The following PCDH15 variants were observed in gnomAD, a reference collection of about 807,000 sequenced individuals.
PCDH15 encodes protocadherin-15.
Under a neutral mutation model 178.5 loss-of-function variants are expected in PCDH15, and 129 were observed. The ratio of observed to expected loss-of-function variants is 0.72; its 90% CI spans 0.63 to 0.84. PCDH15 has a LOEUF of 0.84. PCDH15 is among the 40% of genes least tolerant of loss of function. The pLI, the probability that PCDH15 is intolerant of heterozygous loss-of-function variation, is 0.00. For missense variants in PCDH15, 2,230 were observed against 2,099.9 expected, an observed-to-expected ratio of 1.06 and a Z score of -1.21; for synonymous variants, 800 against 732.0, an observed-to-expected ratio of 1.09 and a Z score of -1.50.
intron 8 of PCDH15, among the ~76,000 whole-genome samples, chr10:54,288,535 A>T (rs1300275044): frequency 6.6e-6 from 1 of 152,090 alleles, no homozygotes. Flanking sequence ...CAGCCCACGG[A>T]GGGCGAGCCA....
intron 8 of PCDH15, among the ~76,000 whole-genome samples, chr10:54,306,120 T>C (rs552911434): frequency 9.4e-5 from 14 of 149,674 alleles, no homozygotes; most frequent in African/African-American, 3.2e-4. Context: ...TAGACACCCA[T>C]AGTAAGACTC....
chr10:53,844,901 A>G (rs2077875587), intron 28 of PCDH15, among the ~76,000 whole-genome samples: 1 of 151,948 alleles, frequency 6.6e-6, no homozygotes, highest in Non-Finnish European at 1.5e-5. Context: ...TTAGGCAGAA[A>G]AGCTTTTACA....
chr10:54,093,179 T>G (rs1411866859), intron 15 of PCDH15, among the ~76,000 whole-genome samples: 3 of 152,174 alleles, frequency 2.0e-5, no homozygotes, highest in African/African-American at 7.2e-5. Context: ...CCTCAGTCTT[T>G]TAAGGATTGT....
intron 2 of PCDH15, among the ~76,000 whole-genome samples, chr10:55,432,482 A>G (rs990954289): frequency 1.3e-5 from 2 of 152,166 alleles, no homozygotes; most frequent in African/African-American, 4.8e-5. Context: ...GGCAAGGATG[A>G]AAAGTTGGAG....
rs373763238 is a variant in PCDH15 at position 54,344,151 on chromosome 10, G to A, written c.594+2214C>T. On this transcript the variant is annotated intron_variant, in intron 6 of 37. Transcript: ENST00000644397. ...ATTCTCTCCCTAAGATTGTACCTTG[G>A]TTAATCCTTTTTTCCTTCAATACAT... 8.5e-5 allele frequency among the ~76,000 whole-genome samples: 13 copies of A among 152,180 alleles called. No homozygotes were observed. The East Asian group carries it at 1.7e-3, about 20-fold the overall frequency.
At chr10:55,133,882 C>G (rs925532514) in intron 2 of PCDH15, among the ~76,000 whole-genome samples, 22 of 152,124 alleles carry the variant, frequency 1.4e-4, no homozygotes, top group Admixed American at 1.0e-3. Context: ...CCGAGCACCT[C>G]CAGTGCTGAC....
chr10:54,491,153 A>G (rs1479691669), intron 3 of PCDH15, among the ~76,000 whole-genome samples: 1 of 152,148 alleles, frequency 6.6e-6, no homozygotes, highest in Non-Finnish European at 1.5e-5. Context: ...CAGTTAAGGG[A>G]TCAATTCAAA....
chr10:54,046,944 G>T (rs2135570917), intron 18 of PCDH15, among the ~76,000 whole-genome samples: 1 of 152,180 alleles, frequency 6.6e-6, no homozygotes, highest in African/African-American at 2.4e-5. Context: ...AGTAATTGTA[G>T]TGAGTTATAA....
rs71014416 is a variant in PCDH15 at position 54,761,683 on chromosome 10, A to AAAAACAAAAC, written c.-29+39232_-29+39241dup. The stretch of plus-strand genomic sequence containing the variant: ...GGGCAACATAGCGAGACTCTGTCTC[A>AAAAACAAAAC]AAAACAAAACAAAACAAAACAAAAC... On this transcript the variant is annotated intron_variant, in intron 1 of 37. Transcript: ENST00000644397. Among the ~76,000 whole-genome samples the AAAAACAAAAC allele has an allele frequency of 7.9e-4, 118 of 150,058 alleles. 2 individuals carry two copies. Among genetic ancestry groups the AAAAACAAAAC allele is most frequent in the East Asian group, 4.8e-3 (24 of 5,008 alleles).
At chr10:54,536,383 T>G (rs74482764) in intron 2 of PCDH15, among the ~76,000 whole-genome samples, 3 of 74,680 alleles carry the variant, frequency 4.0e-5, no homozygotes, top group African/African-American at 2.3e-4. Flanking sequence ...ATGACTGTCA[T>G]TTTTTTTTTT....
chr10:54,867,992 A>G (rs1006709127), intron 3 of PCDH15, among the ~76,000 whole-genome samples: 23 of 152,210 alleles, frequency 1.5e-4, no homozygotes, highest in Non-Finnish European at 2.2e-4. Context: ...AAAAATATGT[A>G]TATGAGGTGA....
chr10:53,997,171 T>C (rs1406856914), intron 20 of PCDH15, among the ~76,000 whole-genome samples: 2 of 152,152 alleles, frequency 1.3e-5, no homozygotes, highest in African/African-American at 4.8e-5. Context: ...TTTCTTCTGT[T>C]TTGAAATACA....
At chr10:55,135,188 T>C (rs1268550622) in intron 2 of PCDH15, among the ~76,000 whole-genome samples, 4 of 152,182 alleles carry the variant, frequency 2.6e-5, no homozygotes, top group Admixed American at 2.6e-4. Context: ...GAGTCTATCA[T>C]CTTAAAGAAC....
At chr10:54,278,311 G>T (rs549220163) in intron 8 of PCDH15, among the ~76,000 whole-genome samples, 1 of 151,626 alleles carries the variant, frequency 6.6e-6, no homozygotes, top group East Asian at 1.9e-4. Context: ...ACAATTTTTA[G>T]TAATTGCCTA....
At position 54,317,434 on chromosome 10, in the gene PCDH15, G is replaced by T. The variant is rs1179734691; in HGVS notation, c.713C>A (p.Ala238Asp). The T allele has an allele frequency of 6.2e-7, 1 of 1,613,612 alleles. No homozygotes were observed. Among genetic ancestry groups the T allele is most frequent in the African/African-American group, 1.3e-5 (1 of 74,858 alleles). Residue 238 changes from alanine to aspartate, a missense_variant, in exon 8 of 38, where the codon GCC (alanine) becomes GAC (aspartate). Transcript: ENST00000644397. ...YFVIIQANDR[A>D]QNLNERRTTT... ...GGTTCGCCTCTCATTCAGATTTTGGGCACGGTCCTGTTAGGGAGAAAAACA... is the reference window on the plus strand; with the variant it reads ...GGTTCGCCTCTCATTCAGATTTTGGTCACGGTCCTGTTAGGGAGAAAAACA...
intron 10 of PCDH15, among the ~76,000 whole-genome samples, chr10:54,213,103 G>GT (rs1328020481): frequency 2.7e-5 from 4 of 147,074 alleles, no homozygotes; most frequent in Middle Eastern, 3.5e-3. Flanking sequence ...ATTTCTAGAG[G>GT]TTTTTTTTGC....
At chr10:53,990,259 G>T (rs1037140216) in intron 21 of PCDH15, among the ~76,000 whole-genome samples, 2 of 152,010 alleles carry the variant, frequency 1.3e-5, no homozygotes, top group East Asian at 1.9e-4. Context: ...GCTCTGAAAC[G>T]CTACAATAGT....
At chr10:54,235,310 C>T (rs757716525) in intron 9 of PCDH15, among the ~76,000 whole-genome samples, 6 of 152,166 alleles carry the variant, frequency 3.9e-5, no homozygotes, top group Admixed American at 3.9e-4. Context: ...AGAAAACTGG[C>T]TCCACAAAGT....
chr10:54,828,704 T>C lies in PCDH15; in HGVS notation c.-29+68746A>G, dbSNP rs796403830. Among the ~76,000 whole-genome samples the C allele has an allele frequency of 2.2e-4, 34 of 152,190 alleles. 2 individuals carry two copies. Among genetic ancestry groups the C allele is most frequent in the African/African-American group, 7.9e-4 (33 of 41,568 alleles). ...CTCCTATATGTCAGGCATGGCTCTA[T>C]GTGCTGGGATACAACACTGAAACAT... On this transcript the variant is annotated intron_variant, in intron 3 of 5. Transcript: ENST00000458638.
Sources: allele counts gnomAD v4.1 joint callset (sites outside exome capture counted in the v4.1 genomes callset), GRCh38; gene constraint gnomAD v4.1.1; transcripts MANE v1.5; gene names NCBI Gene and HGNC (gene_info 2026-07-23, HGNC 2026-07-21).